CD27: variants seen among roughly 807,000 people sequenced by gnomAD.
The protein encoded by CD27 is CD27 antigen.
Under a neutral mutation model 25.9 loss-of-function variants are expected in CD27, and 16 were observed. The observed-to-expected ratio is 0.62, with a 90% CI of 0.42 to 0.94. The LOEUF is 0.94. CD27 is among the 40% of genes least tolerant of loss of function. CD27 has a pLI of 0.00. For missense variants in CD27, 300 were observed against 333.2 expected, an observed-to-expected ratio of 0.90 and a Z score of 0.78; for synonymous variants, 142 against 124.3, an observed-to-expected ratio of 1.14 and a Z score of -0.95.
rs573505026 is a variant in CD27 at position 6,445,252 on chromosome 12, G to A, written c.136+21G>A. Reference sequence around the variant, plus strand: ...GCCAGGTAAGAGGGGGCCTTGGTAAGGGCCAGGTGAGTGGCGAAAGAGAGA... The same window carrying A: ...GCCAGGTAAGAGGGGGCCTTGGTAAAGGCCAGGTGAGTGGCGAAAGAGAGA... On this transcript the variant is annotated intron_variant, in intron 1 of 5. Transcript: ENST00000266557. The surrounding 1 kb of genome is among the most constrained non-coding windows in gnomAD (Gnocchi z 4.5). 17 of 1,613,688 alleles carry A rather than the reference G, an allele frequency of 1.1e-5. No individual in the cohort carries two copies. In the South Asian group the frequency reaches 1.9e-4, roughly 18 times the overall value.
rs1592118032 is a variant in CD27, at chr12:6,445,973, G to A, written c.268+418G>A. 6.6e-6 allele frequency among the ~76,000 whole-genome samples: 1 copy of A among 152,112 alleles called. No homozygotes were observed. On this transcript the variant is annotated intron_variant, in intron 2 of 5. Coordinates refer to ENST00000266557, the MANE Select transcript of CD27 (RefSeq NM_001242.5). The surrounding 1 kb of genome is among the most constrained non-coding windows in gnomAD (Gnocchi z 4.5). Reference sequence around the variant, plus strand: ...AGGAAATAACAAAGCAACCCAATAGGTAACAACCTTTTTTTGCACAAAAGC... The same window carrying A: ...AGGAAATAACAAAGCAACCCAATAGATAACAACCTTTTTTTGCACAAAAGC...
intron 2 of CD27, chr12:6,448,601 T>TG (rs1949459052): frequency 6.6e-6 from 1 of 152,072 alleles, no homozygotes; most frequent in Non-Finnish European, 1.5e-5. Flanking sequence ...CCGTCTCTAC[T>TG]AAAAATACAA....
In CD27 at chr12:6,451,161, G is replaced by A. The variant is rs1453768981; in HGVS notation, c.659-107G>A. On this transcript the variant is annotated intron_variant, in intron 5 of 5. Coordinates refer to ENST00000266557, the MANE Select transcript of CD27 (RefSeq NM_001242.5). The stretch of plus-strand genomic sequence containing the variant: ...TACCCCTTCTCTCCCCTTAGCTGGC[G>A]TGCTCCTGACACCCCTCCCCCAAGC... 7 of 1,528,262 alleles carry A rather than the reference G, an allele frequency of 4.6e-6. No homozygotes were observed. In the East Asian group the frequency reaches 9.0e-5, roughly 20 times the overall value. 94.7% of individuals were successfully genotyped at this position (1,528,262 alleles called of 1,614,324 possible). A position where few individuals can be genotyped will look rare whatever the true frequency, so the allele number is the denominator to read the frequency against.
chr12:6,450,798 T>C lies in CD27; in HGVS notation c.539-97T>C. On this transcript the variant is annotated intron_variant, in intron 4 of 5. Transcript: ENST00000266557. The surrounding 1 kb of genome is among the most constrained non-coding windows in gnomAD (Gnocchi z 4.1). Reference sequence around the variant, plus strand: ...CGGTGGCGGGTGGGATAGAATAAGGTGGGGGAAAGGGGAGAGGCAAGGTGA... The same window carrying C: ...CGGTGGCGGGTGGGATAGAATAAGGCGGGGGAAAGGGGAGAGGCAAGGTGA... 1 of 1,548,594 alleles carries C rather than the reference T, an allele frequency of 6.5e-7. No individual in the cohort carries two copies. The highest frequency in any genetic ancestry group is 8.8e-7 in the Non-Finnish European group (1 of 1,130,122).
At chr12:6,444,831 T>C (rs2136959827), upstream of CD27, 1 of 388,338 alleles carries the variant, frequency 2.6e-6, no homozygotes, top group South Asian at 3.9e-5. Context: ...AGGAAGCATG[T>C]TTGAAGAGCA....
At chr12:6,451,086 G>C in intron 5 of CD27, 72 bp downstream of exon 5, 1 of 1,601,224 alleles carries the variant, frequency 6.2e-7, no homozygotes, top group Non-Finnish European at 8.5e-7. Flanking sequence ...CACTGCCCAC[G>C]CCTGGAATCT....
In CD27 at chr12:6,451,688, G is replaced by A. The variant is rs1387533846; in HGVS notation, c.*296G>A. On this transcript the variant is annotated 3_prime_UTR_variant, in exon 6 of 6. Coordinates refer to ENST00000266557, the MANE Select transcript of CD27 (RefSeq NM_001242.5). The stretch of plus-strand genomic sequence containing the variant: ...GAAAGACCCACATGCTACAAGACGG[G>A]CAAAATAAAGTGACAGATGACCACC... The A allele has an allele frequency of 8.4e-6, 3 of 356,402 alleles. No homozygotes were observed. The highest frequency in any genetic ancestry group is 1.1e-4 in the South Asian group (2 of 18,952). 22.1% of individuals were successfully genotyped at this position (356,402 alleles called of 1,614,324 possible).
intron 5 of CD27, 66 bp from the exon 6 acceptor site, chr12:6,451,202 C>T: frequency 6.3e-7 from 1 of 1,589,766 alleles, no homozygotes; most frequent in African/African-American, 1.3e-5. Context: ...CGCCTCTACC[C>T]ATCTCCTTCT....
At chr12:6,444,931 A>G (rs1190184824), upstream of CD27, 1 of 698,372 alleles carries the variant, frequency 1.4e-6, no homozygotes, top group Non-Finnish European at 2.3e-6. Flanking sequence ...GAGAAAAAAA[A>G]AACAGCCACA....
Position 6,445,589 on chromosome 12 carries a change from T to C in CD27, c.268+34T>C, listed in dbSNP as rs201968067. The C allele has an allele frequency of 9.5e-5, 152 of 1,607,190 alleles. No individual in the cohort carries two copies. Among genetic ancestry groups the C allele is most frequent in the Non-Finnish European group, 2.5e-5 (30 of 1,178,002 alleles). On this transcript the variant is annotated intron_variant, in intron 2 of 5. Transcript: ENST00000266557. The surrounding 1 kb of genome is among the most constrained non-coding windows in gnomAD (Gnocchi z 4.5). ...GGCAAGGGTGTGTAGGTGGGGACGA[T>C]GGACAAGCATCTGGGGGAGCAAGGC... is the stretch of plus-strand genomic sequence containing the variant.
chr12:6,445,520 G>T lies in CD27; in HGVS notation c.233G>T (p.Arg78Leu). The change falls in exon 2 of 6, where the codon CGG becomes CTG. Residue 78 changes from arginine to leucine, a missense_variant. Physicochemically the swap from Arg to Leu is moderately radical, Grantham distance 102 (BLOSUM62 -2). Coordinates refer to ENST00000266557, the MANE Select transcript of CD27 (RefSeq NM_001242.5). This position sits in a 1 kb window ranked among gnomAD's most constrained non-coding sequence, Gnocchi z 4.5. Reference protein sequence around the residue: ...GVSFSPDHHTRPHCESCRHCN... With the variant: ...GVSFSPDHHTLPHCESCRHCN... Reference sequence around the variant, plus strand: ...TCCTTCTCTCCTGACCACCACACCCGGCCCCACTGTGAGAGCTGTCGGCAC... The same window carrying T: ...TCCTTCTCTCCTGACCACCACACCCTGCCCCACTGTGAGAGCTGTCGGCAC... 6.2e-7 allele frequency: 1 copy of T among 1,613,884 alleles called. No individual in the cohort carries two copies. The highest frequency in any genetic ancestry group is 1.1e-5 in the South Asian group (1 of 91,088).
At chr12:6,448,364 T>C (rs1949452311) in intron 2 of CD27, among the ~76,000 whole-genome samples, 1 of 151,922 alleles carries the variant, frequency 6.6e-6, no homozygotes, top group South Asian at 2.1e-4. Flanking sequence ...ATCACCCTCC[T>C]CTCAAACCAG....
Position 6,450,548 on chromosome 12 carries a change from G to A in CD27, c.456G>A (p.Leu152=). 2 of 1,613,454 alleles carry A rather than the reference G, an allele frequency of 1.2e-6. No individual in the cohort carries two copies. Among genetic ancestry groups the A allele is most frequent in the Non-Finnish European group, 1.7e-6 (2 of 1,179,936 alleles). ...PTHLPYVSEM[L]EARTAGHMQT... ...CTGTCTCTGTTTTTCCAGAGATGCTGGAGGCCAGGACAGCTGGGCACATGC... is the reference window on the plus strand; with the variant it reads ...CTGTCTCTGTTTTTCCAGAGATGCTAGAGGCCAGGACAGCTGGGCACATGC... The change falls in exon 4 of 6, where the codon CTG becomes CTA. Residue 152 remains leucine, a synonymous_variant. Coordinates refer to ENST00000266557, the MANE Select transcript of CD27 (RefSeq NM_001242.5). This position sits in a 1 kb window ranked among gnomAD's most constrained non-coding sequence, Gnocchi z 4.1.
At position 6,445,598 on chromosome 12, in the gene CD27, A is replaced by G; in HGVS notation, c.268+43A>G. ...GTGTAGGTGGGGACGATGGACAAGC[A>G]TCTGGGGGAGCAAGGCTGGTGACGG... On this transcript the variant is annotated intron_variant, in intron 2 of 5. Transcript: ENST00000266557. The surrounding 1 kb of genome is among the most constrained non-coding windows in gnomAD (Gnocchi z 4.5). 6.2e-7 allele frequency: 1 copy of G among 1,603,104 alleles called. No individual in the cohort carries two copies. The highest frequency in any genetic ancestry group is 8.5e-7 in the Non-Finnish European group (1 of 1,175,884).
Position 6,451,435 on chromosome 12 carries a change from C to G in CD27, c.*43C>G, listed in dbSNP as rs1385487815. On this transcript the variant is annotated 3_prime_UTR_variant, in exon 6 of 6. Transcript: ENST00000266557. ...CTGCACTACAGCCCTGGCCTCCACCCCCACCCCGCCGACCATCCAAGGGAG... is the reference window on the plus strand; with the variant it reads ...CTGCACTACAGCCCTGGCCTCCACCGCCACCCCGCCGACCATCCAAGGGAG... The G allele has an allele frequency of 6.3e-7, 1 of 1,586,132 alleles. No individual in the cohort carries two copies. Among genetic ancestry groups the G allele is most frequent in the South Asian group, 1.1e-5 (1 of 87,646 alleles).
chr12:6,446,610 T>G (rs750917903), intron 2 of CD27, among the ~76,000 whole-genome samples: 2 of 151,668 alleles, frequency 1.3e-5, no homozygotes, highest in Non-Finnish European at 2.9e-5. Flanking sequence ...GGCAACATAG[T>G]GAGACCTTGT....
At position 6,445,076 on chromosome 12, in the gene CD27, G is replaced by A. The variant is rs1325086477; in HGVS notation, c.-20G>A. On this transcript the variant is annotated 5_prime_UTR_variant, in exon 1 of 6. Coordinates refer to ENST00000266557, the MANE Select transcript of CD27 (RefSeq NM_001242.5). The surrounding 1 kb of genome is among the most constrained non-coding windows in gnomAD (Gnocchi z 4.5). The stretch of plus-strand genomic sequence containing the variant: ...AGCATCAGCAACTGGGCACAGAAAG[G>A]AGCCGCCTGGGCAGGGACCATGGCA... 1 of 1,591,726 alleles carries A rather than the reference G, an allele frequency of 6.3e-7. No homozygotes were observed. The highest frequency in any genetic ancestry group is 8.5e-7 in the Non-Finnish European group (1 of 1,171,840).
Position 6,450,117 on chromosome 12 carries a change from T to C in CD27, c.269-56T>C. The C allele has an allele frequency of 3.9e-6, 6 of 1,526,554 alleles. No homozygotes were observed. The Admixed American group carries it at 1.0e-4, about 27-fold the overall frequency. 94.6% of individuals were successfully genotyped at this position (1,526,554 alleles called of 1,614,324 possible). A position where few individuals can be genotyped will look rare whatever the true frequency, so the allele number is the denominator to read the frequency against. ...GGTTGGGGGATGAAGCAAGTGGACC[T>C]TGAAGGTCTCCACAGGTCTGAGTGT... On this transcript the variant is annotated intron_variant, in intron 2 of 5. Transcript: ENST00000266557. The surrounding 1 kb of genome is among the most constrained non-coding windows in gnomAD (Gnocchi z 4.1).
chr12:6,448,279 A>G (rs1045149043), intron 2 of CD27: 2 of 152,126 alleles, frequency 1.3e-5, no homozygotes, highest in East Asian at 3.9e-4. Flanking sequence ...CCGGGTCCCC[A>G]CAAGTGTCTG....
Sources: allele counts gnomAD v4.1 joint callset (sites outside exome capture counted in the v4.1 genomes callset), GRCh38; gene constraint gnomAD v4.1.1; non-coding constraint Gnocchi (gnomAD v3.1); transcripts MANE v1.5; gene names NCBI Gene and HGNC (gene_info 2026-07-23, HGNC 2026-07-21).